Variants in ATAD5 observed in about 807,000 individuals in gnomAD.
ATAD5 encodes the protein ATPase family AAA domain containing 5.
Under a neutral mutation model 176.9 loss-of-function variants are expected in ATAD5, and 58 were observed. The ratio of observed to expected loss-of-function variants is 0.33; its 90% CI spans 0.27 to 0.41. The LOEUF (loss-of-function observed/expected upper bound fraction) is 0.41, where lower values mean the gene tolerates loss of function less well. Among genes scored for constraint, ATAD5 ranks in the 10% least tolerant of loss-of-function variants. The pLI, the probability that ATAD5 is intolerant of heterozygous loss-of-function variation, is 1.00. For synonymous variants in ATAD5, 640 were observed against 712.6 expected, an observed-to-expected ratio of 0.90 and a Z score of 1.62; for missense variants, 1,789 against 2,094.1, an observed-to-expected ratio of 0.85 and a Z score of 2.84.
At chr17:30,874,465 C>T (rs1296155425) in intron 14 of ATAD5, among the ~76,000 whole-genome samples, 4 of 132,564 alleles carry the variant, frequency 3.0e-5, no homozygotes, top group Admixed American at 8.2e-5. Context: ...TACTTGAACC[C>T]GGAAGGCAGA....
chr17:30,877,700 C>G (rs996586032), intron 16 of ATAD5, 151 bp downstream of exon 16: 3 of 797,166 alleles, frequency 3.8e-6, no homozygotes, highest in African/African-American at 3.6e-5. Context: ...AAACTGTCCA[C>G]TCTAGAATAA....
intron 14 of ATAD5, among the ~76,000 whole-genome samples, chr17:30,874,385 A>G (rs561703837): frequency 6.7e-6 from 1 of 150,324 alleles, no homozygotes; most frequent in East Asian, 2.0e-4. Flanking sequence ...TACTAAAAAT[A>G]CAAAAATTAG....
intron 12 of ATAD5, 150 bp from the exon 13 acceptor site, chr17:30,869,098 T>G (rs1446425191): frequency 2.3e-6 from 2 of 869,178 alleles, no homozygotes; most frequent in Non-Finnish European, 3.4e-6. Flanking sequence ...AGTGCTGGGA[T>G]TACAGGCATG....
chr17:30,894,185 TAATA>T lies in ATAD5; in HGVS notation c.5297+39_5297+42del, dbSNP rs199858489. The T allele has an allele frequency of 8.4e-4, 1,228 of 1,455,680 alleles. 12 individuals are homozygous for T. In the African/African-American group the frequency reaches 0.016, roughly 19 times the overall value. The allele number at this position is 1,455,680 out of a possible 1,614,324, so 90.2% of individuals were successfully genotyped here. A position where few individuals can be genotyped will look rare whatever the true frequency, so the allele number is the denominator to read the frequency against. ...ACTTCCTTTACTTTTTATTTTTTGG[TAATA>T]AATCGTAAAGGGGAAATCAATAGAG... On this transcript the variant is annotated intron_variant, in intron 21 of 22. Coordinates refer to ENST00000321990, the MANE Select transcript of ATAD5 (RefSeq NM_024857.5).
At chr17:30,868,509 AT>A (rs745465090) in intron 12 of ATAD5, 97 bp downstream of exon 12, 37,171 of 480,276 alleles carry the variant, frequency 0.077, no homozygotes, top group South Asian at 0.087. Context: ...TTTTTTTTTA[AT>A]TTTTTTTTTT....
chr17:30,858,316 TAAA>T lies in ATAD5; in HGVS notation c.2950_2952del (p.Lys984del), dbSNP rs757693608. 15 of 1,517,518 alleles carry T rather than the reference TAAA, an allele frequency of 9.9e-6. No individual in the cohort carries two copies. In the Admixed American group the frequency reaches 3.1e-4, roughly 32 times the overall value. The allele number at this position is 1,517,518 out of a possible 1,614,324, so 94.0% of individuals were successfully genotyped here. A position where few individuals can be genotyped will look rare whatever the true frequency, so the allele number is the denominator to read the frequency against. On this transcript the variant is annotated inframe_deletion, in exon 9 of 23. Transcript: ENST00000321990. ...AAGTACTTTCTTCCGAGTGTCATAG[TAAA>T]CAAGGTTAGTGATAATTATTATCAT...
chr17:30,878,011 A>T lies in ATAD5; in HGVS notation c.3927A>T (p.Val1309=). Reference sequence around the variant, plus strand: ...ATTCTAATAAACTGTAGGTTGATGTAATTTTTGATGAAGATGCTGGGTTTT... The same window carrying T: ...ATTCTAATAAACTGTAGGTTGATGTTATTTTTGATGAAGATGCTGGGTTTT... ...TSLILFEEVD[V]IFDEDAGFLN... Residue 1309 remains valine, a synonymous_variant, in exon 17 of 23, where the codon GTA becomes GTT. Transcript: ENST00000321990. 1 of 1,608,036 alleles carries T rather than the reference A, an allele frequency of 6.2e-7. No homozygotes were observed. The highest frequency in any genetic ancestry group is 8.5e-7 in the Non-Finnish European group (1 of 1,175,688).
chr17:30,865,732 A>G lies in ATAD5; in HGVS notation c.3165A>G (p.Thr1055=). The G allele has an allele frequency of 6.3e-7, 1 of 1,585,116 alleles. No individual in the cohort carries two copies. The highest frequency in any genetic ancestry group is 1.2e-5 in the South Asian group (1 of 84,704). ...KDSGTEDMLW[T]EKYQPQTASE... is the part of the protein sequence containing the mutation. ...CTGGAACTGAAGACATGCTTTGGAC[A>G]GAAAAGTATCAACCTCAGACTGCCA... The change falls in exon 11 of 23, where the codon ACA becomes ACG. Residue 1055 remains threonine, a synonymous_variant. Transcript: ENST00000321990.
intron 19 of ATAD5, among the ~76,000 whole-genome samples, chr17:30,889,470 T>C (rs1327851768): frequency 6.6e-6 from 1 of 151,068 alleles, no homozygotes; most frequent in Non-Finnish European, 1.5e-5. Context: ...TTAATTTTTC[T>C]ATATGAGTAT....
At chr17:30,849,870 T>C (rs1368835691) in intron 6 of ATAD5, among the ~76,000 whole-genome samples, 1 of 152,194 alleles carries the variant, frequency 6.6e-6, no homozygotes, top group African/African-American at 2.4e-5. Flanking sequence ...GCCTCTACAC[T>C]ACCTGATTTC....
At chr17:30,889,886 C>CTTTTTTTTTT (rs60266614) in intron 19 of ATAD5, among the ~76,000 whole-genome samples, 78 of 95,678 alleles carry the variant, frequency 8.2e-4, no homozygotes, top group African/African-American at 8.7e-4. Flanking sequence ...TCTTTTCTTT[C>CTTTTTTTTTT]TTTTTTTTTT....
chr17:30,860,644 G>C, intron 10 of ATAD5, 32 bp downstream of exon 10: 1 of 1,511,212 alleles, frequency 6.6e-7, no homozygotes, highest in Non-Finnish European at 8.8e-7. Flanking sequence ...AAAAGAAATA[G>C]ATTGCTTTGA....
At chr17:30,888,103 G>C (rs1012811336) in intron 19 of ATAD5, among the ~76,000 whole-genome samples, 1 of 151,808 alleles carries the variant, frequency 6.6e-6, no homozygotes, top group Non-Finnish European at 1.5e-5. Flanking sequence ...AAAGTACTGG[G>C]ATTAGAGGCG....
intron 9 of ATAD5, among the ~76,000 whole-genome samples, 197 bp downstream of exon 9, chr17:30,858,520 G>T (rs1907421834): frequency 6.6e-6 from 1 of 151,928 alleles, no homozygotes; most frequent in African/African-American, 2.4e-5. Flanking sequence ...TGAGTAGCTG[G>T]GATTACAGGC....
At chr17:30,894,774 C>T (rs760203790) in intron 22 of ATAD5, 52 bp downstream of exon 22, 7 of 1,552,182 alleles carry the variant, frequency 4.5e-6, no homozygotes, top group Admixed American at 4.0e-5. Context: ...AAGATTAATA[C>T]ATATTTTCAT....
intron 18 of ATAD5, among the ~76,000 whole-genome samples, chr17:30,881,922 A>T (rs1909042579): frequency 6.6e-6 from 1 of 151,266 alleles, no homozygotes; most frequent in African/African-American, 2.4e-5. Context: ...CCCCCCCAAA[A>T]AAATAATTGT....
chr17:30,866,185 ATTTT>A (rs542432593), intron 11 of ATAD5, among the ~76,000 whole-genome samples: 48 of 79,232 alleles, frequency 6.1e-4, no homozygotes, highest in African/African-American at 2.8e-3. Context: ...GAATTTACAA[ATTTT>A]TTTTTTTTTT....
intron 4 of ATAD5, among the ~76,000 whole-genome samples, chr17:30,842,986 C>A (rs1428237459): frequency 1.3e-5 from 2 of 151,986 alleles, no homozygotes; most frequent in East Asian, 3.9e-4. Context: ...CAGGTAATCC[C>A]CCCTGCCTTG....
rs373265789 is a variant in ATAD5, at chr17:30,893,353, A to T, written c.4500A>T (p.Gln1500His). 7.8e-5 allele frequency: 125 copies of T among 1,593,098 alleles called. No homozygotes were observed. In the Middle Eastern group the frequency reaches 1.3e-3, roughly 17 times the overall value. Residue 1500 changes from glutamine (Q) to histidine (H), a missense_variant, in exon 21 of 23, where the codon CAA (glutamine) becomes CAT (histidine). Around this residue, in one of 6 missense-constraint regions of ATAD5, gnomAD observed 403 missense variants for 495.1 expected, o/e 0.81. Transcript: ENST00000321990. The part of the protein sequence containing the change: ...HKFIQLLTEF[Q>H]MRNVDFLYSN... ...TCATCCAGCTTCTTACAGAATTCCA[A>T]ATGCGGAATGTAGATTTTTTATATA...
Sources: allele counts gnomAD v4.1 joint callset (sites outside exome capture counted in the v4.1 genomes callset), GRCh38; gene constraint gnomAD v4.1.1; regional missense constraint gnomAD v4.1.1; transcripts MANE v1.5; gene names NCBI Gene and HGNC (gene_info 2026-07-23, HGNC 2026-07-21).